Variants in NOX5 observed in about 807,000 individuals in gnomAD.
The protein encoded by NOX5 is NADPH oxidase, EF-hand calcium binding domain 5.
A neutral mutation model predicts 85.7 loss-of-function variants in NOX5; 76 were observed. That is an observed-to-expected ratio of 0.89 (90% CI 0.74 to 1.07). The LOEUF (loss-of-function observed/expected upper bound fraction) is 1.07, where lower values mean the gene tolerates loss of function less well. Ranked by LOEUF, NOX5 falls within the 50% of genes least tolerant of loss-of-function variation. The probability of loss-of-function intolerance (pLI) is 0.00; values close to 1 mark genes in which losing one functional copy is unlikely to be tolerated. For missense variants in NOX5, 973 were observed against 999.5 expected, an observed-to-expected ratio of 0.97 and a Z score of 0.36; for synonymous variants, 405 against 401.4, an observed-to-expected ratio of 1.01 and a Z score of -0.11.
intron 9 of NOX5, among the ~76,000 whole-genome samples, chr15:69,041,211 ATTGC>A (rs2050590381): frequency 6.6e-6 from 1 of 152,160 alleles, no homozygotes; most frequent in Non-Finnish European, 1.5e-5. Flanking sequence ...GGTCTGAGTC[ATTGC>A]TTGAGGCACT....
chr15:69,036,557 A>G (rs2050518840), intron 7 of NOX5, among the ~76,000 whole-genome samples: 1 of 152,190 alleles, frequency 6.6e-6, no homozygotes, highest in South Asian at 2.1e-4. Context: ...AAGCCTTTGA[A>G]GTAGGAATCA....
rs532906441 is a variant in NOX5 at position 69,034,027 on chromosome 15, TA to T, written c.855+754del. Among the ~76,000 whole-genome samples, 559 of 152,112 alleles carry T rather than the reference TA, an allele frequency of 3.7e-3. 1 individual carries two copies. The highest frequency in any genetic ancestry group is 0.013 in the African/African-American group (540 of 41,486). On this transcript the variant is annotated intron_variant, in intron 5 of 15. Coordinates refer to ENST00000388866, the MANE Select transcript of NOX5 (RefSeq NM_024505.4). Reference sequence around the variant, plus strand: ...TTTTTGATCACACAACTCCTACCATTAAAACAAAAGCCCTCTTATGCTTATA... The same window carrying T: ...TTTTTGATCACACAACTCCTACCATTAAACAAAAGCCCTCTTATGCTTATA...
At position 69,037,057 on chromosome 15, in the gene NOX5, C is replaced by T. The variant is rs370319410; in HGVS notation, c.1218C>T (p.Leu406=). ...EVFYWTHLSY[L]LVWLLLIFHG... Reference sequence around the variant, plus strand: ...TCTATTGGACTCACCTGTCCTACCTCCTCGTGTGGCTTCTGCTCATCTTTC... The same window carrying T: ...TCTATTGGACTCACCTGTCCTACCTTCTCGTGTGGCTTCTGCTCATCTTTC... Residue 406 remains leucine, a synonymous_variant, in exon 8 of 16, where the codon CTC becomes CTT. Transcript: ENST00000388866. 1.2e-5 allele frequency: 20 copies of T among 1,613,830 alleles called. No individual in the cohort carries two copies. Among genetic ancestry groups the T allele is most frequent in the African/African-American group, 4.0e-5 (3 of 74,876 alleles).
chr15:69,038,651 G>GC (rs2050552919), intron 8 of NOX5, among the ~76,000 whole-genome samples: 1 of 152,112 alleles, frequency 6.6e-6, no homozygotes, highest in Non-Finnish European at 1.5e-5. Flanking sequence ...CAGCCTGGCT[G>GC]CCCCCTCTAG....
At chr15:69,030,772 C>T (rs578100609) in intron 3 of NOX5, 3 of 152,172 alleles carry the variant, frequency 2.0e-5, no homozygotes, top group Admixed American at 1.3e-4. Context: ...CCAGATACTG[C>T]GTTAGGTGTT....
chr15:69,034,728 G>A (rs2050489167), intron 5 of NOX5, among the ~76,000 whole-genome samples: 1 of 152,186 alleles, frequency 6.6e-6, no homozygotes. Flanking sequence ...AGGGCACCAA[G>A]TCAACAGAGA....
Position 69,035,338 on chromosome 15 carries a change from C to T in NOX5, c.856-16C>T, listed in dbSNP as rs771607475. 3.7e-6 allele frequency: 6 copies of T among 1,612,418 alleles called. No homozygotes were observed. In the African/African-American group the frequency reaches 8.0e-5, roughly 22 times the overall value. On this transcript the variant is annotated splice_polypyrimidine_tract_variant and intron_variant, in intron 5 of 15. Coordinates refer to ENST00000388866, the MANE Select transcript of NOX5 (RefSeq NM_024505.4). Reference sequence around the variant, plus strand: ...CAGAGAGTGAGGCAGGGCTCTCTCCCACTCTGCCTGGCCAGGTGCTGATGC... The same window carrying T: ...CAGAGAGTGAGGCAGGGCTCTCTCCTACTCTGCCTGGCCAGGTGCTGATGC...
chr15:69,051,816 T>G (rs945289083), intron 14 of NOX5, among the ~76,000 whole-genome samples: 1 of 152,146 alleles, frequency 6.6e-6, no homozygotes, highest in Non-Finnish European at 1.5e-5. Context: ...AGATAAAGAT[T>G]AGACACCCTT....
At chr15:69,038,182 G>C (rs180724099) in intron 8 of NOX5, 1 of 152,794 alleles carries the variant, frequency 6.5e-6, no homozygotes, top group Non-Finnish European at 1.5e-5. Flanking sequence ...CTGAGAAAAG[G>C]AAGGCAGTTC....
chr15:69,049,868 T>C (rs1296096145), intron 14 of NOX5, among the ~76,000 whole-genome samples: 3 of 152,222 alleles, frequency 2.0e-5, no homozygotes, highest in South Asian at 2.1e-4. Context: ...AAGCGTACAA[T>C]AAATACAATG....
chr15:69,037,217 AGGTGGGG>A lies in NOX5; in HGVS notation c.1371+9_1371+15del. 1 of 1,611,410 alleles carries A rather than the reference AGGTGGGG, an allele frequency of 6.2e-7. No individual in the cohort carries two copies. The highest frequency in any genetic ancestry group is 8.5e-7 in the Non-Finnish European group (1 of 1,178,728). On this transcript the variant is annotated splice_region_variant and intron_variant, in intron 8 of 15. Transcript: ENST00000388866. ...CAACCTCCTCCCCTCCAAGGTACAA[AGGTGGGG>A]GATGGGGAGGTGCTTTTCCAACTCA...
intron 1 of NOX5, chr15:69,023,153 G>T: frequency 2.9e-6 from 1 of 348,086 alleles, no homozygotes; most frequent in East Asian, 9.3e-5. Context: ...CAGAGAGGAA[G>T]AAGACTGAAG....
At position 69,059,023 on chromosome 15, in the gene NOX5, C is replaced by G. The variant is rs2050846158; in HGVS notation, c.*2327C>G. 1 of 152,214 alleles carries G rather than the reference C, an allele frequency of 6.6e-6. No individual in the cohort carries two copies. Among genetic ancestry groups the G allele is most frequent in the South Asian group, 2.1e-4 (1 of 4,826 alleles). The allele number at this position is 152,214 out of a possible 1,614,324, so 9.4% of individuals were successfully genotyped here. A position where few individuals can be genotyped will look rare whatever the true frequency, so the allele number is the denominator to read the frequency against. ...TCTTTCCCATCTCTGTCTACACCGC[C>G]TTAACACATTTGAGCCCTGCCCTCA... On this transcript the variant is annotated 3_prime_UTR_variant, in exon 16 of 16. Coordinates refer to ENST00000388866, the MANE Select transcript of NOX5 (RefSeq NM_024505.4).
At chr15:69,022,159 A>G (rs1687982475) in intron 1 of NOX5, 1 of 158,334 alleles carries the variant, frequency 6.3e-6, no homozygotes, top group African/African-American at 2.4e-5. Context: ...GCTATTAAGC[A>G]GAGTGAGTAA....
chr15:69,033,684 T>TC (rs1383860388), intron 5 of NOX5, among the ~76,000 whole-genome samples: 2 of 150,406 alleles, frequency 1.3e-5, no homozygotes, highest in East Asian at 2.0e-4. Context: ...GTGTTTTTTT[T>TC]TTTCTTTCTT....
chr15:69,050,547 C>A (rs529164483), intron 14 of NOX5, among the ~76,000 whole-genome samples: 1 of 152,138 alleles, frequency 6.6e-6, no homozygotes, highest in Non-Finnish European at 1.5e-5. Context: ...CCCGCCTCCA[C>A]GCCAGGCTAA....
At chr15:69,022,954 C>T in intron 1 of NOX5, 2 of 510,708 alleles carry the variant, frequency 3.9e-6, no homozygotes, top group Non-Finnish European at 8.0e-6. Context: ...ATTCACCAGC[C>T]TTGGTATTCC....
intron 1 of NOX5, 42 bp from the exon 2 acceptor site, chr15:69,026,486 T>C: frequency 6.2e-7 from 1 of 1,613,156 alleles, no homozygotes; most frequent in Non-Finnish European, 8.5e-7. Context: ...CATAAGGCTT[T>C]GGCCACCCCA....
chr15:69,055,210 G>T, intron 14 of NOX5, 124 bp from the exon 15 acceptor site: 1 of 1,041,718 alleles, frequency 9.6e-7, no homozygotes, highest in Non-Finnish European at 1.4e-6. Flanking sequence ...TTACACAACA[G>T]ATCCTGGGCA....
Sources: gnomAD v4.1 joint callset for allele counts (sites outside exome capture counted in the v4.1 genomes callset) on GRCh38, gnomAD v4.1.1 for gene constraint, MANE v1.5 for transcripts, NCBI Gene and HGNC (gene_info 2026-07-23, HGNC 2026-07-21) for gene names.